Variants in MAGI2 observed in about 807,000 individuals in gnomAD.
MAGI2 encodes the protein membrane associated guanylate kinase, WW and PDZ domain containing 2.
In MAGI2, 35 loss-of-function variants were observed where a neutral mutation model predicts 133.3. The ratio of observed to expected loss-of-function variants is 0.26; its 90% confidence interval spans 0.20 to 0.35. MAGI2 has a LOEUF of 0.35. Among genes scored for constraint, MAGI2 ranks in the 10% least tolerant of loss-of-function variants. The probability of loss-of-function intolerance (pLI) is 1.00; values close to 1 mark genes in which losing one functional copy is unlikely to be tolerated. For synonymous variants in MAGI2, 729 were observed against 710.6 expected (o/e 1.03, Z -0.41); for missense variants, 1,636 against 1,863.4 (o/e 0.88, Z 2.25).
chr7:78,853,483 G>A (rs1359760196), intron 2 of MAGI2, among the ~76,000 whole-genome samples: 1 of 150,924 alleles, frequency 6.6e-6, no homozygotes, highest in East Asian at 2.0e-4. Flanking sequence ...AGCCTCCTGA[G>A]TAGCTGTGAC....
At chr7:79,176,782 T>G (rs1342307042) in intron 1 of MAGI2, among the ~76,000 whole-genome samples, 1 of 152,006 alleles carries the variant, frequency 6.6e-6, no homozygotes, top group African/African-American at 2.4e-5. Context: ...AAATAATTTT[T>G]TAAAAAAATC....
At chr7:79,069,693 A>G (rs1187077691) in intron 1 of MAGI2, among the ~76,000 whole-genome samples, 2 of 152,172 alleles carry the variant, frequency 1.3e-5, no homozygotes, top group African/African-American at 4.8e-5. Context: ...CAGTTTCTTC[A>G]TAGCATTGAT....
At chr7:78,675,350 C>T (rs955874559) in intron 2 of MAGI2, among the ~76,000 whole-genome samples, 23 of 151,678 alleles carry the variant, frequency 1.5e-4, no homozygotes, top group African/African-American at 5.3e-4. Context: ...GTTAATGATA[C>T]AGACAGCAAG....
chr7:79,083,599 C>T (rs536335968), intron 1 of MAGI2, among the ~76,000 whole-genome samples: 173 of 151,654 alleles, frequency 1.1e-3, no homozygotes, highest in Middle Eastern at 6.8e-3. Flanking sequence ...ATGTTTTGTT[C>T]ATATTCATAA....
chr7:79,183,880 A>AG (rs1158188447), intron 1 of MAGI2, among the ~76,000 whole-genome samples: 1 of 151,916 alleles, frequency 6.6e-6, no homozygotes, highest in Non-Finnish European at 1.5e-5. Flanking sequence ...AAATAAAGTC[A>AG]GGCACAGAAA....
chr7:78,951,268 G>A (rs755077024), intron 2 of MAGI2, among the ~76,000 whole-genome samples: 49 of 152,014 alleles, frequency 3.2e-4, no homozygotes, highest in Non-Finnish European at 4.7e-4. Context: ...TGCCACACCC[G>A]GCTGATGTTA....
chr7:78,761,841 G>A (rs372105424), intron 2 of MAGI2, among the ~76,000 whole-genome samples: 43 of 151,802 alleles, frequency 2.8e-4, no homozygotes, highest in African/African-American at 9.9e-4. Flanking sequence ...TGGTCTATAG[G>A]CCACATGCAC....
At chr7:79,309,994 G>GA (rs769113207) in intron 1 of MAGI2, among the ~76,000 whole-genome samples, 1 of 120,788 alleles carries the variant, frequency 8.3e-6, no homozygotes, top group Non-Finnish European at 1.9e-5. Flanking sequence ...GAAAAGAAAA[G>GA]AAAGAAAGAA....
At chr7:79,009,334 T>A (rs1345482883) in intron 1 of MAGI2, among the ~76,000 whole-genome samples, 1 of 152,090 alleles carries the variant, frequency 6.6e-6, no homozygotes, top group Non-Finnish European at 1.5e-5. Flanking sequence ...TTTTTTTTCA[T>A]AGAAGAACTG....
chr7:78,506,341 G>C (rs1343545033), intron 4 of MAGI2, among the ~76,000 whole-genome samples: 1 of 152,082 alleles, frequency 6.6e-6, no homozygotes, highest in East Asian at 1.9e-4. Context: ...CTGAGTTAGA[G>C]GTTCATGGAG....
intron 2 of MAGI2, among the ~76,000 whole-genome samples, chr7:78,651,155 A>G (rs1811516986): frequency 6.6e-6 from 1 of 152,120 alleles, no homozygotes; most frequent in African/African-American, 2.4e-5. Context: ...GAGGCTTTGA[A>G]GTAGTTTTGA....
intron 1 of MAGI2, among the ~76,000 whole-genome samples, chr7:79,074,945 G>C (rs544209645): frequency 6.6e-6 from 1 of 152,160 alleles, no homozygotes; most frequent in Non-Finnish European, 1.5e-5. Context: ...CCAGAGTTTG[G>C]TATAATGGTT....
intron 1 of MAGI2, among the ~76,000 whole-genome samples, chr7:79,168,889 G>GATAGATAGATATATATAT (rs1396243710): frequency 6.8e-5 from 1 of 14,638 alleles, no homozygotes; most frequent in Non-Finnish European, 2.1e-4. Context: ...TCTAAAGATA[G>GATAGATAGATATATATAT]ATATATATAT....
At chr7:78,688,131 T>C (rs1816572603) in intron 2 of MAGI2, among the ~76,000 whole-genome samples, 1 of 152,062 alleles carries the variant, frequency 6.6e-6, no homozygotes, top group South Asian at 2.1e-4. Context: ...AAAAACCCCA[T>C]GTTCATTTAG....
intron 1 of MAGI2, among the ~76,000 whole-genome samples, chr7:79,322,774 T>A (rs1349726713): frequency 1.2e-5 from 1 of 80,246 alleles, no homozygotes; most frequent in Non-Finnish European, 2.9e-5. Flanking sequence ...AAAGTGAGAC[T>A]GTCTCAAAAA....
chr7:78,163,579 A>G (rs573581535), intron 15 of MAGI2, among the ~76,000 whole-genome samples: 2 of 152,292 alleles, frequency 1.3e-5, no homozygotes, highest in East Asian at 1.9e-4. Flanking sequence ...AGACCAGTAC[A>G]TTTAACTATT....
chr7:78,448,105 C>G (rs1788341611), intron 6 of MAGI2, among the ~76,000 whole-genome samples: 2 of 152,024 alleles, frequency 1.3e-5, no homozygotes, highest in Admixed American at 6.6e-5. Flanking sequence ...GGATTTCCTT[C>G]TTTTTATGAC....
chr7:78,341,177 A>G (rs561901168), intron 9 of MAGI2, among the ~76,000 whole-genome samples: 33 of 152,312 alleles, frequency 2.2e-4, no homozygotes, highest in African/African-American at 7.9e-4. Context: ...ATAGACAAAC[A>G]GAAGGCCAAA....
At chr7:79,387,175 T>G (rs1021128487) in intron 1 of MAGI2, among the ~76,000 whole-genome samples, 28 of 151,114 alleles carry the variant, frequency 1.9e-4, no homozygotes, top group Non-Finnish European at 2.9e-5. Flanking sequence ...AGCTCTCAGC[T>G]GTTTGGAGCC....
Sources: allele counts gnomAD v4.1 joint callset (sites outside exome capture counted in the v4.1 genomes callset), GRCh38; gene constraint gnomAD v4.1.1; transcripts MANE v1.5; gene names NCBI Gene and HGNC (gene_info 2026-07-23, HGNC 2026-07-21).